Variants in WASF3 observed in about 807,000 individuals in gnomAD.
The protein encoded by WASF3 is actin-binding protein WASF3.
In WASF3, 11 loss-of-function variants were observed where a neutral mutation model predicts 46.6. The ratio of observed to expected loss-of-function variants is 0.24; its 90% CI spans 0.15 to 0.39. The LOEUF (loss-of-function observed/expected upper bound fraction) is 0.39. WASF3 is among the 10% of genes least tolerant of loss of function. The pLI is 1.00. For missense variants in WASF3, 576 were observed against 669.8 expected (o/e 0.86, Z 1.55); for synonymous variants, 242 against 259.7 (o/e 0.93, Z 0.65).
At position 26,671,959 on chromosome 13, in the gene WASF3, A is replaced by C. The variant is rs1228198087; in HGVS notation, c.510A>C (p.Glu170Asp). The C allele has an allele frequency of 6.2e-7, 1 of 1,611,848 alleles. No individual in the cohort carries two copies. Among genetic ancestry groups the C allele is most frequent in the African/African-American group, 1.3e-5 (1 of 74,806 alleles). The change falls in exon 6 of 10, where the codon GAA (glutamate) becomes GAC (aspartate). Residue 170 changes from glutamate to aspartate, a missense_variant. Glu to Asp is a conservative substitution (Grantham distance 45). This residue lies in a region of WASF3 where 213 missense variants were observed against 278.0 expected (regional missense o/e 0.77). Transcript: ENST00000335327. ...LWKEKMLQDT[E>D]DKRKEKRRQK... ...AAGAAAAAATGCTACAGGACACAGA[A>C]GACAAAAGGAAAGAGAAAAGGCGTC...
intron 7 of WASF3, among the ~76,000 whole-genome samples, chr13:26,677,436 C>T (rs1005475171): frequency 3.9e-5 from 6 of 152,208 alleles, no homozygotes; most frequent in African/African-American, 1.4e-4. Flanking sequence ...TGCATAAACT[C>T]TCATCGGCAT....
intron 1 of WASF3, among the ~76,000 whole-genome samples, chr13:26,566,893 C>T (rs1270176235): frequency 1.3e-5 from 2 of 152,208 alleles, no homozygotes; most frequent in African/African-American, 4.8e-5. Flanking sequence ...CTGGTGGCCA[C>T]AGTGAAAGGA....
chr13:26,576,751 T>C (rs1443061708), intron 1 of WASF3: 8 of 303,008 alleles, frequency 2.6e-5, no homozygotes, highest in Admixed American at 4.7e-5. Flanking sequence ...TGTGGAACAA[T>C]AATAGACTCA....
At chr13:26,622,110 A>T (rs1205019970) in intron 2 of WASF3, among the ~76,000 whole-genome samples, 1 of 152,206 alleles carries the variant, frequency 6.6e-6, no homozygotes, top group Non-Finnish European at 1.5e-5. Context: ...TGTGTGTATA[A>T]TATAGTCTGT....
intron 2 of WASF3, among the ~76,000 whole-genome samples, chr13:26,636,527 A>G (rs1364506769): frequency 2.0e-5 from 3 of 152,230 alleles, no homozygotes; most frequent in South Asian, 2.1e-4. Flanking sequence ...CCACTGTCCA[A>G]CCAGTCCCAA....
chr13:26,541,012 G>T, the WASF3 span, among the ~76,000 whole-genome samples: 2 of 152,148 alleles, frequency 1.3e-5, no homozygotes, highest in Non-Finnish European at 2.9e-5. Flanking sequence ...TGTCTCTGGG[G>T]TCTGGAATTA....
At chr13:26,601,283 C>T (rs962396758) in intron 1 of WASF3, among the ~76,000 whole-genome samples, 9 of 152,142 alleles carry the variant, frequency 5.9e-5, no homozygotes, top group Non-Finnish European at 1.2e-4. Context: ...ATGTAACTTA[C>T]TGGAGTGCTT....
At chr13:26,565,421 A>C (rs1879433924) in intron 1 of WASF3, among the ~76,000 whole-genome samples, 1 of 152,098 alleles carries the variant, frequency 6.6e-6, no homozygotes, top group Non-Finnish European at 1.5e-5. Flanking sequence ...CAAAAGTAAG[A>C]TCTTAACTTT....
chr13:26,551,670 C>G, the WASF3 span, among the ~76,000 whole-genome samples: 65 of 152,040 alleles, frequency 4.3e-4, no homozygotes, highest in Admixed American at 1.3e-4. Flanking sequence ...TGAATTTGAG[C>G]TGCGTTGTGA....
chr13:26,635,544 G>T (rs1881792832), intron 2 of WASF3, among the ~76,000 whole-genome samples: 1 of 152,354 alleles, frequency 6.6e-6, no homozygotes, highest in Non-Finnish European at 1.5e-5. Flanking sequence ...GCAAGGAGCT[G>T]TGATCCTTTG....
At chr13:26,681,410 T>G (rs149601377) in intron 8 of WASF3, 90 bp downstream of exon 8, 1 of 1,435,648 alleles carries the variant, frequency 7.0e-7, no homozygotes, top group East Asian at 2.3e-5. Flanking sequence ...TCCGGTATTT[T>G]AGAGGCCAAG....
chr13:26,564,526 T>A (rs1440159238), intron 1 of WASF3, among the ~76,000 whole-genome samples: 1 of 152,222 alleles, frequency 6.6e-6, no homozygotes, highest in African/African-American at 2.4e-5. Context: ...TTTATTAGCT[T>A]GCTGCGGCAG....
the WASF3 span, among the ~76,000 whole-genome samples, chr13:26,543,256 C>A: frequency 6.6e-6 from 1 of 152,138 alleles, no homozygotes; most frequent in Non-Finnish European, 1.5e-5. Flanking sequence ...ACTTCCTCTG[C>A]ACATGCAGGA....
chr13:26,603,509 A>G (rs1415167298), intron 1 of WASF3, among the ~76,000 whole-genome samples: 1 of 152,166 alleles, frequency 6.6e-6, no homozygotes, highest in Non-Finnish European at 1.5e-5. Flanking sequence ...TAAAGGATAT[A>G]AAGCAACTTT....
chr13:26,644,715 A>G (rs533231192), intron 3 of WASF3, among the ~76,000 whole-genome samples: 1 of 152,312 alleles, frequency 6.6e-6, no homozygotes, highest in South Asian at 2.1e-4. Context: ...CTAAAATGTC[A>G]TCTGGGGGTG....
the WASF3 span, among the ~76,000 whole-genome samples, chr13:26,541,320 G>C: frequency 6.6e-6 from 1 of 152,162 alleles, no homozygotes; most frequent in South Asian, 2.1e-4. Flanking sequence ...ACTGAAAACA[G>C]CTTGCCTGGG....
At chr13:26,612,124 T>A (rs999662415) in intron 1 of WASF3, among the ~76,000 whole-genome samples, 2 of 152,198 alleles carry the variant, frequency 1.3e-5, no homozygotes, top group Non-Finnish European at 2.9e-5. Flanking sequence ...GTATTAAAAT[T>A]ATCTGCATTT....
chr13:26,586,367 A>T (rs1001888886), intron 1 of WASF3, among the ~76,000 whole-genome samples: 1 of 152,160 alleles, frequency 6.6e-6, no homozygotes, highest in Non-Finnish European at 1.5e-5. Flanking sequence ...ATGAGTATCC[A>T]GTTGTTATAA....
rs1881448162 is a variant in WASF3, at chr13:26,625,833, A to G, written c.-11+12775A>G. ...GCATGAAGTTGTTCAGTATTATTCG[A>G]AGGTAGGTGTGATAAGCTAAAAATG... On this transcript the variant is annotated intron_variant, in intron 2 of 9. Transcript: ENST00000335327. 2.0e-5 allele frequency among the ~76,000 whole-genome samples: 3 copies of G among 152,178 alleles called. No homozygotes were observed. In the South Asian group the frequency reaches 6.2e-4, roughly 32 times the overall value.
Sources: gnomAD v4.1 joint callset for allele counts (sites outside exome capture counted in the v4.1 genomes callset) on GRCh38, gnomAD v4.1.1 for gene constraint, gnomAD v4.1.1 regional missense constraint, MANE v1.5 for transcripts, NCBI Gene and HGNC (gene_info 2026-07-23, HGNC 2026-07-21) for gene names.